Variants in UGT1A3 observed in about 807,000 individuals in gnomAD.
The protein encoded by UGT1A3 is UDP-glucuronosyltransferase 1A3.
In UGT1A3, 31 loss-of-function variants were observed where a neutral mutation model predicts 41.0. The observed-to-expected ratio is 0.76, with a 90% CI of 0.57 to 1.02. The LOEUF (loss-of-function observed/expected upper bound fraction) is 1.02. Among genes scored for constraint, UGT1A3 ranks in the 50% least tolerant of loss-of-function variants. The probability of loss-of-function intolerance (pLI) is 0.00; values close to 1 mark genes in which losing one functional copy is unlikely to be tolerated. For synonymous variants in UGT1A3, 262 were observed against 257.6 expected (o/e 1.02, Z -0.17); for missense variants, 737 against 671.0 (o/e 1.10, Z -1.09).
chr2:233,749,837 G>A (rs1453014378), intron 1 of UGT1A3, among the ~76,000 whole-genome samples: 4 of 151,982 alleles, frequency 2.6e-5, no homozygotes, highest in East Asian at 1.9e-4. Flanking sequence ...CATGTAAGAC[G>A]TGTCTTTGCC....
intron 1 of UGT1A3, among the ~76,000 whole-genome samples, chr2:233,764,716 G>C (rs1292483836): frequency 6.6e-6 from 1 of 152,182 alleles, no homozygotes; most frequent in Non-Finnish European, 1.5e-5. Context: ...GTCTCCCCAA[G>C]AAAGAGGGAG....
At chr2:233,730,253 A>G (rs1350953092) in intron 1 of UGT1A3, among the ~76,000 whole-genome samples, 3 of 152,152 alleles carry the variant, frequency 2.0e-5, no homozygotes, top group Non-Finnish European at 4.4e-5. Context: ...TGTGACTCAT[A>G]GAGACTGTTG....
At chr2:233,743,943 G>T in intron 1 of UGT1A3, 1 of 1,352,238 alleles carries the variant, frequency 7.4e-7, no homozygotes. Flanking sequence ...GGCCCACCAG[G>T]CACTGGCACA....
chr2:233,736,555 T>G (rs905446962), intron 1 of UGT1A3, among the ~76,000 whole-genome samples: 2 of 152,246 alleles, frequency 1.3e-5, no homozygotes, highest in African/African-American at 4.8e-5. Flanking sequence ...GCTCCATTGC[T>G]AGCAAGGAGC....
intron 1 of UGT1A3, among the ~76,000 whole-genome samples, chr2:233,745,582 T>C (rs1693150962): frequency 6.6e-6 from 1 of 151,630 alleles, no homozygotes; most frequent in Admixed American, 6.6e-5. Context: ...TGACATAACC[T>C]GAGACCCGGA....
At chr2:233,760,645 T>A (rs751311281) in intron 1 of UGT1A3, 1 of 1,614,248 alleles carries the variant, frequency 6.2e-7, no homozygotes, top group South Asian at 1.1e-5. Flanking sequence ...AAAAAAGGAC[T>A]CTGCTATGCT....
chr2:233,735,646 T>C (rs1050886537), intron 1 of UGT1A3, among the ~76,000 whole-genome samples: 1 of 152,236 alleles, frequency 6.6e-6, no homozygotes, highest in South Asian at 2.1e-4. Flanking sequence ...CAGTGGCTGG[T>C]ACTGGTGTTT....
rs1692213854 is a variant in UGT1A3 at position 233,743,141 on chromosome 2, AG to A, written c.867+13149del. Reference sequence around the variant, plus strand: ...AAAGTTCACTTTCAATCCTAAAAAAAGTCCGCTATTCCTCCAGATGTGCTTA... The same window carrying A: ...AAAGTTCACTTTCAATCCTAAAAAAATCCGCTATTCCTCCAGATGTGCTTA... On this transcript the variant is annotated intron_variant, in intron 1 of 4. Transcript: ENST00000482026. The A allele has an allele frequency of 1.1e-5, 4 of 356,900 alleles. No individual in the cohort carries two copies. The Admixed American group carries it at 1.1e-4, about 10-fold the overall frequency. The allele number at this position is 356,900 out of a possible 1,614,324, so 22.1% of individuals were successfully genotyped here.
rs1321809873 is a variant in UGT1A3 at position 233,772,307 on chromosome 2, C to T, written c.1353C>T (p.Arg451=). The change falls in exon 5 of 5, where the codon CGC becomes CGT. Residue 451 remains arginine (R), a synonymous_variant. Coordinates refer to ENST00000482026, the MANE Select transcript of UGT1A3 (RefSeq NM_019093.4). The stretch of plus-strand genomic sequence containing the variant: ...GCCTCTCCAGCCTTCACAAGGACCG[C>T]CCGGTGGAGCCGCTGGACCTGGCCG... ...IMRLSSLHKD[R]PVEPLDLAVF... 1 of 1,614,232 alleles carries T rather than the reference C, an allele frequency of 6.2e-7. No individual in the cohort carries two copies. The highest frequency in any genetic ancestry group is 8.5e-7 in the Non-Finnish European group (1 of 1,180,050).
At chr2:233,760,232 C>CTA (rs1697356426) in intron 1 of UGT1A3, 1 of 1,429,076 alleles carries the variant, frequency 7.0e-7, no homozygotes, top group Non-Finnish European at 9.5e-7. Flanking sequence ...TTGGTTTTTG[C>CTA]CATATATATA....
At chr2:233,744,229 G>T (rs1245532493) in intron 1 of UGT1A3, among the ~76,000 whole-genome samples, 1 of 151,826 alleles carries the variant, frequency 6.6e-6, no homozygotes, top group African/African-American at 2.4e-5. Context: ...AAAAGAGAGG[G>T]CCTTGACTTT....
chr2:233,750,471 A>G (rs759933129), intron 1 of UGT1A3: 1 of 152,038 alleles, frequency 6.6e-6, no homozygotes, highest in African/African-American at 2.4e-5. Context: ...AATACTGGCT[A>G]TAGAAATTTG....
At chr2:233,752,037 A>G (rs1331054991) in intron 1 of UGT1A3, among the ~76,000 whole-genome samples, 2 of 152,222 alleles carry the variant, frequency 1.3e-5, no homozygotes, top group Non-Finnish European at 2.9e-5. Context: ...TAGAAAGGTA[A>G]GCTGTTGTGT....
chr2:233,769,558 G>A lies in UGT1A3; in HGVS notation c.1307+1119G>A. On this transcript the variant is annotated intron_variant, in intron 4 of 4. Coordinates refer to ENST00000482026, the MANE Select transcript of UGT1A3 (RefSeq NM_019093.4). This position sits in a 1 kb window ranked among gnomAD's most constrained non-coding sequence, Gnocchi z 4.4. ...AGAAGCAGCAGTCAGGAAGACAGAT[G>A]TGAAGAGCTGGAGCATGTTCAGATG... 2 of 1,612,872 alleles carry A rather than the reference G, an allele frequency of 1.2e-6. No individual in the cohort carries two copies. The highest frequency in any genetic ancestry group is 1.7e-6 in the Non-Finnish European group (2 of 1,179,832).
At chr2:233,733,982 G>A (rs1360923030) in intron 1 of UGT1A3, among the ~76,000 whole-genome samples, 2 of 152,070 alleles carry the variant, frequency 1.3e-5, no homozygotes, top group Non-Finnish European at 2.9e-5. Flanking sequence ...GGGAGGGATA[G>A]CATTAGGAGA....
Position 233,768,287 on chromosome 2 carries a change from T to C in UGT1A3, c.1155T>C (p.Asn385=), listed in dbSNP as rs1256701591. ...ATGGTGTTTATGAAAGCATATGCAA[T>C]GGCGTTCCCATGGTGATGATGCCCT... ...GSHGVYESIC[N]GVPMVMMPLF... Residue 385 remains asparagine (N), a synonymous_variant, in exon 4 of 5, where the codon AAT becomes AAC. Coordinates refer to ENST00000482026, the MANE Select transcript of UGT1A3 (RefSeq NM_019093.4). 1 of 1,614,056 alleles carries C rather than the reference T, an allele frequency of 6.2e-7. No homozygotes were observed. Among genetic ancestry groups the C allele is most frequent in the Non-Finnish European group, 8.5e-7 (1 of 1,180,042 alleles).
rs145239529 is a variant in UGT1A3, at chr2:233,769,464, C to CGT, written c.1307+1039_1307+1040dup. ...GGGTGCACACGTGTGCATTCATATGCGTGTGTGTGTGTGTGCGTGTGTTTA... is the reference window on the plus strand; with the variant it reads ...GGGTGCACACGTGTGCATTCATATGCGTGTGTGTGTGTGTGTGCGTGTGTTTA... On this transcript the variant is annotated intron_variant, in intron 4 of 4. Coordinates refer to ENST00000482026, the MANE Select transcript of UGT1A3 (RefSeq NM_019093.4). This position sits in a 1 kb window ranked among gnomAD's most constrained non-coding sequence, Gnocchi z 4.4. 1.1e-3 allele frequency: 1,584 copies of CGT among 1,481,010 alleles called. 6 individuals are homozygous for CGT. The African/African-American group carries it at 0.012, about 11-fold the overall frequency. 91.7% of individuals were successfully genotyped at this position (1,481,010 alleles called of 1,614,324 possible).
chr2:233,740,994 G>A (rs1691532942), intron 1 of UGT1A3: 1 of 151,722 alleles, frequency 6.6e-6, no homozygotes, highest in African/African-American at 2.4e-5. Flanking sequence ...TGCTGAGGAG[G>A]AAGGATCACT....
chr2:233,751,324 A>C (rs571504836), intron 1 of UGT1A3, among the ~76,000 whole-genome samples: 1 of 151,882 alleles, frequency 6.6e-6, no homozygotes, highest in East Asian at 1.9e-4. Context: ...CTGTACCCCC[A>C]TTGTGTCTTG....
Sources: allele counts gnomAD v4.1 joint callset (sites outside exome capture counted in the v4.1 genomes callset), GRCh38; gene constraint gnomAD v4.1.1; non-coding constraint Gnocchi (gnomAD v3.1); transcripts MANE v1.5; gene names NCBI Gene and HGNC (gene_info 2026-07-23, HGNC 2026-07-21).